Variants in EMCN observed in about 807,000 individuals in gnomAD.
EMCN encodes MUC-14.
A neutral mutation model predicts 38.4 loss-of-function variants in EMCN; 37 were observed. That is an observed-to-expected ratio of 0.96 (90% CI 0.74 to 1.27). EMCN has a LOEUF of 1.27. Ranked by LOEUF, EMCN falls within the 50% of genes most tolerant of loss-of-function variation. The pLI is 0.00. For synonymous variants in EMCN, 95 were observed against 100.8 expected (o/e 0.94, Z 0.35); for missense variants, 318 against 302.8 (o/e 1.05, Z -0.37).
At chr4:100,416,599 C>T (rs866800186) in intron 9 of EMCN, among the ~76,000 whole-genome samples, 3 of 151,994 alleles carry the variant, frequency 2.0e-5, no homozygotes, top group Non-Finnish European at 2.9e-5. Flanking sequence ...AAAGGTAGAC[C>T]ACAAATTCCT....
intron 5 of EMCN, among the ~76,000 whole-genome samples, chr4:100,430,773 G>A (rs926461045): frequency 6.6e-6 from 1 of 152,092 alleles, no homozygotes; most frequent in African/African-American, 2.4e-5. Context: ...ATTTCTTAAG[G>A]AGAAGTTTGT....
intron 5 of EMCN, 120 bp downstream of exon 5, chr4:100,447,413 A>T (rs1159013791): frequency 2.9e-6 from 2 of 691,880 alleles, no homozygotes; most frequent in African/African-American, 3.6e-5. Flanking sequence ...TTTATTTGTG[A>T]TGTAATGTTT....
chr4:100,422,936 C>T, intron 7 of EMCN, 85 bp downstream of exon 7: 2 of 1,333,988 alleles, frequency 1.5e-6, no homozygotes, highest in African/African-American at 1.4e-5. Context: ...AAAGGCTGCC[C>T]ATAATCTGAT....
At chr4:100,472,615 A>G (rs1728507295) in intron 3 of EMCN, among the ~76,000 whole-genome samples, 1 of 152,148 alleles carries the variant, frequency 6.6e-6, no homozygotes, top group South Asian at 2.1e-4. Flanking sequence ...GTTGATCTCA[A>G]AATTCACATT....
At chr4:100,493,390 G>A (rs1729134938) in intron 1 of EMCN, among the ~76,000 whole-genome samples, 1 of 152,100 alleles carries the variant, frequency 6.6e-6, no homozygotes, top group Non-Finnish European at 1.5e-5. Context: ...AAGAAAACTT[G>A]CAAATTGGGC....
rs879872316 is a variant in EMCN, at chr4:100,397,915, T to G, written c.*498A>C. 1 of 151,882 alleles carries G rather than the reference T, an allele frequency of 6.6e-6. No homozygotes were observed. Among genetic ancestry groups the G allele is most frequent in the Admixed American group, 6.6e-5 (1 of 15,234 alleles). The allele number at this position is 151,882 out of a possible 1,614,324, so 9.4% of individuals were successfully genotyped here. A position where few individuals can be genotyped will look rare whatever the true frequency, so the allele number is the denominator to read the frequency against. ...TATGTACAAAGTAGCATGGTATGATTTCTACCTAATATTTAATAATACACG... is the reference window on the plus strand; with the variant it reads ...TATGTACAAAGTAGCATGGTATGATGTCTACCTAATATTTAATAATACACG... On this transcript the variant is annotated 3_prime_UTR_variant, in exon 12 of 12. Coordinates refer to ENST00000296420, the MANE Select transcript of EMCN (RefSeq NM_016242.4).
At chr4:100,423,132 G>A (rs756163730) in intron 6 of EMCN, 52 bp from the exon 7 acceptor site, 22 of 1,549,716 alleles carry the variant, frequency 1.4e-5, no homozygotes, top group Non-Finnish European at 1.9e-5. Flanking sequence ...GCCAATTCTT[G>A]CAGTCCTCCC....
chr4:100,509,801 A>G (rs1401748477), intron 1 of EMCN, among the ~76,000 whole-genome samples: 2 of 152,214 alleles, frequency 1.3e-5, no homozygotes, highest in Non-Finnish European at 2.9e-5. Context: ...AAATGATACA[A>G]TGGCAGTTAA....
chr4:100,462,395 T>C (rs1728204733), intron 4 of EMCN, among the ~76,000 whole-genome samples: 1 of 152,070 alleles, frequency 6.6e-6, no homozygotes, highest in Admixed American at 6.6e-5. Context: ...GAATTAAAAG[T>C]CTTAACTGAC....
At chr4:100,415,837 AG>A in intron 10 of EMCN, 60 bp downstream of exon 10, 1 of 1,154,946 alleles carries the variant, frequency 8.7e-7, no homozygotes, top group Non-Finnish European at 1.2e-6. Flanking sequence ...ACAAAATCCA[AG>A]GTTATAGTTA....
intron 1 of EMCN, among the ~76,000 whole-genome samples, chr4:100,510,672 C>T (rs1729604981): frequency 6.6e-6 from 1 of 152,100 alleles, no homozygotes; most frequent in African/African-American, 2.4e-5. Context: ...CCACATAAGG[C>T]AATCATCTCC....
At chr4:100,495,039 G>A (rs1345399290) in intron 1 of EMCN, among the ~76,000 whole-genome samples, 1 of 151,974 alleles carries the variant, frequency 6.6e-6, no homozygotes, top group African/African-American at 2.4e-5. Context: ...AAAGAAATAT[G>A]AGATTTGACA....
At chr4:100,457,071 GT>G (rs200860392) in intron 4 of EMCN, among the ~76,000 whole-genome samples, 3 of 151,054 alleles carry the variant, frequency 2.0e-5, no homozygotes, top group East Asian at 3.9e-4. Context: ...TTTCGATTTA[GT>G]TTTTTTTGCC....
intron 3 of EMCN, among the ~76,000 whole-genome samples, chr4:100,469,627 C>G (rs1171198619): frequency 6.6e-6 from 1 of 150,950 alleles, no homozygotes; most frequent in East Asian, 1.9e-4. Flanking sequence ...AGAAGGGGTA[C>G]AGTTTTAATC....
chr4:100,423,311 C>T lies in EMCN; in HGVS notation c.508+1G>A. On this transcript the variant is annotated splice_donor_variant, in intron 6 of 11. Coordinates refer to ENST00000296420, the MANE Select transcript of EMCN (RefSeq NM_016242.4). LOFTEE classifies it high-confidence loss of function. ...TCCACTCAGGCACACAGATATCATA[C>T]CTTGAGACTGTGAGGTGTTTTCTGG... 1 of 1,607,168 alleles carries T rather than the reference C, an allele frequency of 6.2e-7. No homozygotes were observed. The highest frequency in any genetic ancestry group is 8.5e-7 in the Non-Finnish European group (1 of 1,174,190).
At chr4:100,401,317 T>TATAACAACTATTTATATAGC (rs1726253894) in intron 11 of EMCN, among the ~76,000 whole-genome samples, 1 of 152,180 alleles carries the variant, frequency 6.6e-6, no homozygotes, top group South Asian at 2.1e-4. Context: ...CGAAATATAG[T>TATAACAACTATTTATATAGC]ATAACAACTA....
At position 100,448,839 on chromosome 4, in the gene EMCN, C is replaced by CTTA. The variant is rs1560619352; in HGVS notation, c.377-1269_377-1268insTAA. On this transcript the variant is annotated intron_variant, in intron 4 of 11. Transcript: ENST00000296420. Reference sequence around the variant, plus strand: ...TCCTTCCTTCCTCCCTCCCTCCCTCCCTCCCTTCCTTGCTTTCTGGCTTGC... The same window carrying CTTA: ...TCCTTCCTTCCTCCCTCCCTCCCTCCTTACTCCCTTCCTTGCTTTCTGGCTTGC... Among the ~76,000 whole-genome samples the CTTA allele has an allele frequency of 8.0e-4, 120 of 149,524 alleles. 4 individuals carry two copies. The highest frequency in any genetic ancestry group is 2.9e-3 in the African/African-American group (116 of 40,074).
rs563860923 is a variant in EMCN at position 100,441,245 on chromosome 4, C to G, written c.415+6288G>C. ...GTAATGTCCTGTTGATACATTGACC[C>G]CTTTATCATTAAATAATGACATTCT... On this transcript the variant is annotated intron_variant, in intron 5 of 11. Coordinates refer to ENST00000296420, the MANE Select transcript of EMCN (RefSeq NM_016242.4). Among the ~76,000 whole-genome samples the G allele has an allele frequency of 8.6e-4, 131 of 152,110 alleles. No individual in the cohort carries two copies. The Middle Eastern group carries it at 0.017, about 20-fold the overall frequency.
intron 5 of EMCN, among the ~76,000 whole-genome samples, chr4:100,431,879 CA>C (rs1363089583): frequency 6.6e-6 from 1 of 151,942 alleles, no homozygotes; most frequent in Non-Finnish European, 1.5e-5. Flanking sequence ...AACCCTAATA[CA>C]GTTGTTTTCC....
Sources: allele counts gnomAD v4.1 joint callset (sites outside exome capture counted in the v4.1 genomes callset), GRCh38; gene constraint gnomAD v4.1.1; transcripts MANE v1.5; gene names NCBI Gene and HGNC (gene_info 2026-07-23, HGNC 2026-07-21).